SUSD4: variants seen among roughly 807,000 people sequenced by gnomAD.
SUSD4 encodes the protein sushi domain containing 4.
In SUSD4, 41 loss-of-function variants were observed where a neutral mutation model predicts 50.5. That is an observed-to-expected ratio of 0.81 (90% CI 0.63 to 1.05). The LOEUF (loss-of-function observed/expected upper bound fraction) is 1.05, where lower values mean the gene tolerates loss of function less well. Among genes scored for constraint, SUSD4 ranks in the 50% least tolerant of loss-of-function variants. The pLI, the probability that SUSD4 is intolerant of heterozygous loss-of-function variation, is 0.00. For synonymous variants in SUSD4, 257 were observed against 257.3 expected (o/e 1.00, Z 0.01); for missense variants, 580 against 634.7 (o/e 0.91, Z 0.93).
intron 5 of SUSD4, among the ~76,000 whole-genome samples, chr1:223,232,589 T>C (rs1034066133): frequency 6.6e-6 from 1 of 152,228 alleles, no homozygotes; most frequent in Non-Finnish European, 1.5e-5. Flanking sequence ...GCAGCATTTT[T>C]TTCTCACTGG....
chr1:223,316,114 A>G (rs1666172352), intron 2 of SUSD4, among the ~76,000 whole-genome samples: 1 of 152,144 alleles, frequency 6.6e-6, no homozygotes, highest in Non-Finnish European at 1.5e-5. Context: ...TCAAGGATGC[A>G]GAGAGGTGCA....
chr1:223,292,352 G>C, intron 3 of SUSD4, 87 bp downstream of exon 3: 1 of 1,416,124 alleles, frequency 7.1e-7, no homozygotes. Context: ...AGAGCCCAGG[G>C]TATTGAGCTG....
At chr1:223,239,357 T>C (rs1243303339) in intron 5 of SUSD4, among the ~76,000 whole-genome samples, 1 of 152,104 alleles carries the variant, frequency 6.6e-6, no homozygotes, top group African/African-American at 2.4e-5. Flanking sequence ...TTGATATAGT[T>C]GAGTTATCTA....
rs952659259 is a variant in SUSD4 at position 223,334,921 on chromosome 1, C to T, written c.148+28357G>A. ...CAAAGTCTCTTGTGTCATTCTAATGCCTTTGCATCCTCATAGCTTAGCTCC... is the reference window on the plus strand; with the variant it reads ...CAAAGTCTCTTGTGTCATTCTAATGTCTTTGCATCCTCATAGCTTAGCTCC... On this transcript the variant is annotated intron_variant, in intron 2 of 8. Coordinates refer to ENST00000366878, the MANE Select transcript of SUSD4 (RefSeq NM_017982.4). Among the ~76,000 whole-genome samples, 5 of 152,254 alleles carry T rather than the reference C, an allele frequency of 3.3e-5. No homozygotes were observed. The East Asian group carries it at 9.7e-4, about 29-fold the overall frequency.
intron 2 of SUSD4, among the ~76,000 whole-genome samples, chr1:223,301,190 C>A (rs972388890): frequency 6.6e-6 from 1 of 152,154 alleles, no homozygotes; most frequent in African/African-American, 2.4e-5. Context: ...TCTGTTAAAA[C>A]AGGGCTGAGC....
In SUSD4 at chr1:223,231,470, G is replaced by A. The variant is rs1466709964; in HGVS notation, c.725-2082C>T. 1.3e-5 allele frequency among the ~76,000 whole-genome samples: 2 copies of A among 152,144 alleles called. No homozygotes were observed. Among genetic ancestry groups the A allele is most frequent in the Non-Finnish European group, 2.9e-5 (2 of 68,018 alleles). Reference sequence around the variant, plus strand: ...TGACTCTGAGGCCCAGGAGCTTTCTGCTGCTCTGCCTCAGGGTCTCTCCTG... The same window carrying A: ...TGACTCTGAGGCCCAGGAGCTTTCTACTGCTCTGCCTCAGGGTCTCTCCTG... On this transcript the variant is annotated intron_variant, in intron 5 of 8. Transcript: ENST00000366878. This position sits in a 1 kb window ranked among gnomAD's most constrained non-coding sequence, Gnocchi z 4.2.
At chr1:223,278,964 A>T (rs1663487723) in intron 3 of SUSD4, among the ~76,000 whole-genome samples, 1 of 152,220 alleles carries the variant, frequency 6.6e-6, no homozygotes, top group Admixed American at 6.5e-5. Flanking sequence ...CAGGGTCTGG[A>T]GTAGACCTCC....
chr1:223,285,322 G>A (rs185796316), intron 3 of SUSD4, among the ~76,000 whole-genome samples: 114 of 152,260 alleles, frequency 7.5e-4, no homozygotes, highest in Admixed American at 1.4e-3. Flanking sequence ...ATGGGGCCAG[G>A]TTCTGGACAG....
intron 2 of SUSD4, among the ~76,000 whole-genome samples, chr1:223,327,583 A>T (rs998858420): frequency 1.2e-4 from 18 of 152,214 alleles, no homozygotes; most frequent in African/African-American, 3.6e-4. Context: ...AGGCTAAAGG[A>T]GCTCCTGGAG....
chr1:223,264,170 A>G, intron 5 of SUSD4: 2 of 985,430 alleles, frequency 2.0e-6, no homozygotes, highest in Non-Finnish European at 2.4e-6. Flanking sequence ...CAGGGAGGAA[A>G]GAGCTCTTGC....
intron 5 of SUSD4, among the ~76,000 whole-genome samples, chr1:223,261,257 A>G (rs1387093817): frequency 1.3e-5 from 2 of 152,194 alleles, no homozygotes; most frequent in African/African-American, 4.8e-5. Flanking sequence ...TGCAATAATT[A>G]TTTTATTGTT....
intron 5 of SUSD4, among the ~76,000 whole-genome samples, chr1:223,233,250 T>C (rs1660007301): frequency 6.6e-6 from 1 of 152,182 alleles, no homozygotes; most frequent in South Asian, 2.1e-4. Context: ...TCACACCTTG[T>C]AGTGTTTGTA....
intron 3 of SUSD4, among the ~76,000 whole-genome samples, chr1:223,284,546 A>G (rs1193511843): frequency 6.6e-6 from 1 of 152,200 alleles, no homozygotes; most frequent in South Asian, 2.1e-4. Context: ...GATGATGTAT[A>G]TAAAGCATGA....
intron 2 of SUSD4, among the ~76,000 whole-genome samples, chr1:223,321,091 C>T (rs1666544499): frequency 6.6e-6 from 1 of 152,178 alleles, no homozygotes; most frequent in African/African-American, 2.4e-5. Flanking sequence ...TCAGTGACAG[C>T]CCGCTTCTCA....
At chr1:223,290,240 G>GA (rs1664401094) in intron 3 of SUSD4, among the ~76,000 whole-genome samples, 1 of 152,142 alleles carries the variant, frequency 6.6e-6, no homozygotes, top group East Asian at 1.9e-4. Flanking sequence ...TTACAAAGCA[G>GA]AAAAAAGACA....
At chr1:223,355,782 C>A (rs184258464) in intron 2 of SUSD4, among the ~76,000 whole-genome samples, 1 of 152,118 alleles carries the variant, frequency 6.6e-6, no homozygotes. Context: ...AGAACGTCAC[C>A]CTTACTCATC....
intron 2 of SUSD4, among the ~76,000 whole-genome samples, chr1:223,293,027 A>G (rs1443371747): frequency 2.0e-5 from 3 of 152,178 alleles, no homozygotes; most frequent in Non-Finnish European, 4.4e-5. Flanking sequence ...CCTGGCCTTG[A>G]GGAAGGGGTG....
chr1:223,224,383 A>G (rs1340810324), intron 7 of SUSD4, among the ~76,000 whole-genome samples: 2 of 152,144 alleles, frequency 1.3e-5, no homozygotes, highest in Non-Finnish European at 2.9e-5. Context: ...GTGGACCCTC[A>G]GTGCCCAGAG....
intron 2 of SUSD4, 68 bp downstream of exon 2, chr1:223,363,210 C>A: frequency 1.4e-6 from 2 of 1,427,040 alleles, no homozygotes; most frequent in Non-Finnish European, 1.9e-6. Context: ...CAGGGCTGTC[C>A]TGGCAGCTAG....
Sources: allele counts gnomAD v4.1 joint callset (sites outside exome capture counted in the v4.1 genomes callset), GRCh38; gene constraint gnomAD v4.1.1; non-coding constraint Gnocchi (gnomAD v3.1); transcripts MANE v1.5; gene names NCBI Gene and HGNC (gene_info 2026-07-23, HGNC 2026-07-21).